GPR160: variants seen among roughly 807,000 people sequenced by gnomAD.
The protein encoded by GPR160 is probable G protein-coupled receptor 160.
Under a neutral mutation model 2.6 loss-of-function variants are expected in GPR160, and 2 were observed. The observed-to-expected ratio is 0.77, with a 90% confidence interval of 0.32 to 2.44. The LOEUF is 2.44. Ranked by LOEUF, GPR160 falls within the 30% of genes most tolerant of loss-of-function variation. The pLI is 0.11. For missense variants in GPR160, 351 were observed against 383.6 expected (o/e 0.91, Z 0.71); for synonymous variants, 130 against 132.2 (o/e 0.98, Z 0.12).
intron 2 of GPR160, among the ~76,000 whole-genome samples, chr3:170,069,038 A>G (rs970148893): frequency 1.3e-5 from 2 of 152,152 alleles, no homozygotes. Flanking sequence ...AAGGCTGGAG[A>G]GGTCTCAACT....
intron 2 of GPR160, among the ~76,000 whole-genome samples, chr3:170,048,553 T>C (rs981986558): frequency 1.3e-5 from 2 of 152,244 alleles, no homozygotes; most frequent in African/African-American, 4.8e-5. Flanking sequence ...TTTTTGATGT[T>C]GTACATCATT....
At chr3:170,060,109 G>A (rs1054114199) in intron 2 of GPR160, among the ~76,000 whole-genome samples, 4 of 152,004 alleles carry the variant, frequency 2.6e-5, no homozygotes, top group South Asian at 4.2e-4. Context: ...GTGCCAAAGC[G>A]GGCATGTGCT....
intron 2 of GPR160, among the ~76,000 whole-genome samples, chr3:170,058,536 G>A (rs1559985435): frequency 6.6e-6 from 1 of 152,188 alleles, no homozygotes; most frequent in Non-Finnish European, 1.5e-5. Flanking sequence ...ATCAGCAATA[G>A]AATTGAAAAC....
intron 2 of GPR160, among the ~76,000 whole-genome samples, chr3:170,064,664 A>G (rs1045341708): frequency 4.6e-5 from 7 of 151,782 alleles, no homozygotes; most frequent in Middle Eastern, 3.4e-3. Context: ...GACTACAGGC[A>G]CATGCCACCG....
At chr3:170,043,708 A>G (rs1412107124) in intron 2 of GPR160, among the ~76,000 whole-genome samples, 2 of 152,134 alleles carry the variant, frequency 1.3e-5, no homozygotes, top group East Asian at 1.9e-4. Context: ...TAGGCAAACT[A>G]TCTTCTTATC....
chr3:170,084,925 T>G lies in GPR160; in HGVS notation c.953T>G (p.Phe318Cys). ...CCATTTGTCAACTGGAAGTGCTGCT[T>G]CATTCCACTTACAATTCCTAATCTT... ...LDPFVNWKCC[F>C]IPLTIPNLEQ... Residue 318 changes from phenylalanine to cysteine, a missense_variant, in exon 4 of 4, where the codon TTC becomes TGC. Transcript: ENST00000355897. 6.2e-7 allele frequency: 1 copy of G among 1,601,954 alleles called. No individual in the cohort carries two copies. Among genetic ancestry groups the G allele is most frequent in the Non-Finnish European group, 8.5e-7 (1 of 1,172,476 alleles).
chr3:170,056,670 A>G (rs1428769076), intron 2 of GPR160, among the ~76,000 whole-genome samples: 2 of 152,224 alleles, frequency 1.3e-5, no homozygotes, highest in East Asian at 3.8e-4. Flanking sequence ...TGCGAGAAAT[A>G]CTAGAAACAG....
At chr3:170,062,551 A>G in intron 2 of GPR160, 4 of 721,652 alleles carry the variant, frequency 5.5e-6, no homozygotes, top group Non-Finnish European at 9.8e-6. Context: ...AGAAGATCAA[A>G]GACGCCAGGA....
chr3:170,065,609 G>T (rs1295138746), intron 2 of GPR160, among the ~76,000 whole-genome samples: 1 of 152,156 alleles, frequency 6.6e-6, no homozygotes, highest in Non-Finnish European at 1.5e-5. Flanking sequence ...ACATTTTTGA[G>T]TATGTGGCTT....
chr3:170,052,923 T>C (rs181984480), intron 2 of GPR160, among the ~76,000 whole-genome samples: 1 of 152,278 alleles, frequency 6.6e-6, no homozygotes, highest in Admixed American at 6.5e-5. Context: ...CCTTTTTTTT[T>C]CATACGGTTA....
chr3:170,080,724 CAG>C (rs1713082500), intron 3 of GPR160, among the ~76,000 whole-genome samples: 8 of 152,160 alleles, frequency 5.3e-5, no homozygotes, highest in Admixed American at 5.2e-4. Context: ...CTTTTTGCGA[CAG>C]AGTGTCAATC....
At chr3:170,041,484 G>A (rs1334483538) in intron 2 of GPR160, among the ~76,000 whole-genome samples, 1 of 152,044 alleles carries the variant, frequency 6.6e-6, no homozygotes, top group Admixed American at 6.5e-5. Flanking sequence ...AGTAGAGACG[G>A]GGTTTCACCG....
At chr3:170,046,016 G>A (rs1559981493) in intron 2 of GPR160, among the ~76,000 whole-genome samples, 2 of 152,268 alleles carry the variant, frequency 1.3e-5, no homozygotes, top group East Asian at 3.9e-4. Context: ...GGAGTAGGAT[G>A]GATTGTGAGT....
intron 2 of GPR160, among the ~76,000 whole-genome samples, chr3:170,046,507 G>A (rs1350242668): frequency 6.6e-6 from 1 of 152,138 alleles, no homozygotes; most frequent in African/African-American, 2.4e-5. Context: ...TGCCTCTTCT[G>A]TCACCTGGGG....
chr3:170,070,558 T>C (rs1437448238), intron 2 of GPR160, among the ~76,000 whole-genome samples: 1 of 152,016 alleles, frequency 6.6e-6, no homozygotes, highest in Non-Finnish European at 1.5e-5. Context: ...CCAAAAAAAG[T>C]AAACATCACC....
Position 170,045,097 on chromosome 3 carries a change from G to A in GPR160, c.-193+6054G>A, listed in dbSNP as rs184752759. 1.2e-3 allele frequency among the ~76,000 whole-genome samples: 176 copies of A among 152,192 alleles called. 1 individual carries two copies. The highest frequency in any genetic ancestry group is 3.9e-3 in the Admixed American group (59 of 15,280). On this transcript the variant is annotated intron_variant, in intron 2 of 3. Transcript: ENST00000355897. ...CATTTTCTTCCCATGTACGTGTGCC[G>A]TGGAGGAGAATGAAAAGAGGAAATG...
intron 2 of GPR160, among the ~76,000 whole-genome samples, chr3:170,055,882 T>C (rs1711619763): frequency 6.6e-6 from 1 of 152,110 alleles, no homozygotes; most frequent in Non-Finnish European, 1.5e-5. Flanking sequence ...GATCCGCCCA[T>C]CTCGGCCTCC....
intron 3 of GPR160, 88 bp from the exon 4 acceptor site, chr3:170,083,817 T>C (rs1713263221): frequency 9.2e-6 from 4 of 435,730 alleles, no homozygotes; most frequent in African/African-American, 2.1e-5. Context: ...GGGGAAATGA[T>C]TGAATTAGGC....
At chr3:170,059,022 C>T (rs1315301710) in intron 2 of GPR160, among the ~76,000 whole-genome samples, 2 of 123,840 alleles carry the variant, frequency 1.6e-5, no homozygotes, top group Non-Finnish European at 3.3e-5. Flanking sequence ...TACACACACA[C>T]ATGCACAAAC....
Sources: gnomAD v4.1 joint callset for allele counts (sites outside exome capture counted in the v4.1 genomes callset) on GRCh38, gnomAD v4.1.1 for gene constraint, MANE v1.5 for transcripts, NCBI Gene and HGNC (gene_info 2026-07-23, HGNC 2026-07-21) for gene names.